Variants in GRIN2B observed in about 807,000 individuals in gnomAD.
The protein encoded by GRIN2B is glutamate ionotropic receptor NMDA type subunit 2B.
A neutral mutation model predicts 114.5 loss-of-function variants in GRIN2B; 5 were observed. The ratio of observed to expected loss-of-function variants is 0.04; its 90% CI spans 0.02 to 0.09. The LOEUF (loss-of-function observed/expected upper bound fraction) is 0.09. GRIN2B is among the 10% of genes least tolerant of loss of function. GRIN2B has a pLI of 1.00. For synonymous variants in GRIN2B, 787 were observed against 745.1 expected (o/e 1.06, Z -0.92); for missense variants, 1,108 against 1,943.5 (o/e 0.57, Z 8.08).
chr12:13,964,842 G>A (rs1012309177), intron 2 of GRIN2B, among the ~76,000 whole-genome samples: 2 of 152,224 alleles, frequency 1.3e-5, no homozygotes, highest in Non-Finnish European at 2.9e-5. Flanking sequence ...GCGGTGCAAA[G>A]CTGACTCGCA....
At chr12:13,601,369 G>T (rs1319352850) in intron 10 of GRIN2B, among the ~76,000 whole-genome samples, 1 of 152,078 alleles carries the variant, frequency 6.6e-6, no homozygotes, top group East Asian at 1.9e-4. Flanking sequence ...TCTTCATATG[G>T]TCTTCTCATC....
chr12:13,798,067 C>T (rs1463222785), intron 3 of GRIN2B, among the ~76,000 whole-genome samples: 1 of 152,182 alleles, frequency 6.6e-6, no homozygotes, highest in African/African-American at 2.4e-5. Flanking sequence ...TCCCAGATAA[C>T]ATTGATGCTG....
intron 4 of GRIN2B, among the ~76,000 whole-genome samples, chr12:13,677,016 T>C (rs1428639147): frequency 6.6e-6 from 1 of 152,184 alleles, no homozygotes; most frequent in African/African-American, 2.4e-5. Context: ...CTCTGGCTGC[T>C]GTCATCTGAT....
intron 4 of GRIN2B, among the ~76,000 whole-genome samples, chr12:13,721,423 G>T (rs1021948807): frequency 6.6e-6 from 1 of 151,986 alleles, no homozygotes; most frequent in Non-Finnish European, 1.5e-5. Context: ...TCCTGGAAAA[G>T]GATTAGGGTG....
chr12:13,612,934 A>G (rs1205969601), intron 8 of GRIN2B, among the ~76,000 whole-genome samples: 1 of 152,242 alleles, frequency 6.6e-6, no homozygotes, highest in Non-Finnish European at 1.5e-5. Flanking sequence ...GATGAAGTTT[A>G]AAAAGGGGAA....
chr12:13,910,785 T>C (rs569489827), intron 2 of GRIN2B, among the ~76,000 whole-genome samples: 3 of 152,324 alleles, frequency 2.0e-5, no homozygotes, highest in South Asian at 4.1e-4. Context: ...AAAATGATCA[T>C]TGTGGTTTGC....
intron 5 of GRIN2B, among the ~76,000 whole-genome samples, chr12:13,651,555 G>A (rs1282095880): frequency 6.6e-6 from 1 of 152,032 alleles, no homozygotes; most frequent in Non-Finnish European, 1.5e-5. Context: ...GATTTTATAG[G>A]CATTTGTAGA....
chr12:13,981,008 G>C (rs557940631), intron 1 of GRIN2B, among the ~76,000 whole-genome samples: 39 of 152,244 alleles, frequency 2.6e-4, no homozygotes, highest in African/African-American at 8.9e-4. Flanking sequence ...TGCAGCGCAC[G>C]GGGCTTCACC....
intron 2 of GRIN2B, among the ~76,000 whole-genome samples, chr12:13,870,932 C>A (rs531235353): frequency 6.6e-6 from 1 of 151,990 alleles, no homozygotes; most frequent in East Asian, 1.9e-4. Flanking sequence ...TAGTATCTAT[C>A]GAAATTTTAA....
In GRIN2B at chr12:13,564,607, G is replaced by A. The variant is rs1156368940; in HGVS notation, c.2631C>T (p.Ile877=). Residue 877 remains isoleucine, a synonymous_variant, in exon 14 of 14, where the codon ATC becomes ATT. Coordinates refer to ENST00000609686, the MANE Select transcript of GRIN2B (RefSeq NM_000834.5). The surrounding 1 kb of genome is among the most constrained non-coding windows in gnomAD (Gnocchi z 4.8). ...GIYSCIHGVA[I]EERQSVMNSP... is the part of the protein sequence containing the mutation. ...AGTTCATTACAGACTGGCGCTCCTC[G>A]ATCGCCACCCCATGGATGCAGCTGT... The A allele has an allele frequency of 2.5e-6, 4 of 1,613,794 alleles. No individual in the cohort carries two copies. Among genetic ancestry groups the A allele is most frequent in the Admixed American group, 1.7e-5 (1 of 60,000 alleles).
chr12:13,707,098 A>G (rs1415043487), intron 4 of GRIN2B, among the ~76,000 whole-genome samples: 2 of 152,126 alleles, frequency 1.3e-5, no homozygotes, highest in African/African-American at 2.4e-5. Flanking sequence ...AAAAAACACA[A>G]GATCGTAATT....
At chr12:13,963,685 A>C (rs778325924) in intron 2 of GRIN2B, among the ~76,000 whole-genome samples, 1 of 152,204 alleles carries the variant, frequency 6.6e-6, no homozygotes, top group Non-Finnish European at 1.5e-5. Flanking sequence ...TCTGAACTCA[A>C]GTCCCTTTGA....
chr12:13,554,706 C>T lies in GRIN2B; in HGVS notation c.*8077G>A, dbSNP rs1948457553. 6.6e-6 allele frequency: 1 copy of T among 152,004 alleles called. No homozygotes were observed. The highest frequency in any genetic ancestry group is 2.4e-5 in the African/African-American group (1 of 41,376). 9.4% of individuals were successfully genotyped at this position (152,004 alleles called of 1,614,324 possible). A position where few individuals can be genotyped will look rare whatever the true frequency, so the allele number is the denominator to read the frequency against. ...AATATTGGAACAATGCTAAAAGACG[C>T]TGAAATAATCCAGACTAGAAGGAAG... On this transcript the variant is annotated 3_prime_UTR_variant, in exon 14 of 14. Transcript: ENST00000609686.
chr12:13,648,963 T>G (rs1376352067), intron 5 of GRIN2B, among the ~76,000 whole-genome samples: 1 of 151,960 alleles, frequency 6.6e-6, no homozygotes, highest in African/African-American at 2.4e-5. Context: ...GAAAGAGGGA[T>G]AAGAAGAAAT....
chr12:13,852,537 G>A (rs1190158107), intron 3 of GRIN2B, among the ~76,000 whole-genome samples: 1 of 151,976 alleles, frequency 6.6e-6, no homozygotes, highest in African/African-American at 2.4e-5. Flanking sequence ...CTTTTAAGAG[G>A]AATTTGTCTT....
chr12:13,619,189 G>A (rs1805542), intron 5 of GRIN2B, among the ~76,000 whole-genome samples: 4,392 of 152,242 alleles, frequency 0.029, 222 homozygotes, highest in African/African-American at 0.1. Context: ...GAGGAGATAT[G>A]AATTAGTTGG....
chr12:13,677,292 C>G (rs1950084415), intron 4 of GRIN2B, among the ~76,000 whole-genome samples: 1 of 152,112 alleles, frequency 6.6e-6, no homozygotes, highest in East Asian at 1.9e-4. Context: ...TTTTTAACTC[C>G]TCTCATTCAA....
chr12:13,662,507 C>T (rs1949934283), intron 5 of GRIN2B, among the ~76,000 whole-genome samples: 3 of 152,266 alleles, frequency 2.0e-5, no homozygotes, highest in Non-Finnish European at 4.4e-5. Context: ...TGTCTTACCA[C>T]CTTAAGCGTA....
At position 13,950,263 on chromosome 12, in the gene GRIN2B, A is replaced by G. The variant is rs1166291157; in HGVS notation, c.-19+29665T>C. Among the ~76,000 whole-genome samples, 3 of 152,224 alleles carry G rather than the reference A, an allele frequency of 2.0e-5. No individual in the cohort carries two copies. In the East Asian group the frequency reaches 5.8e-4, roughly 29 times the overall value. ...GTTGGAAATCATTTAAACAGAGTAG[A>G]TGAATCAACCCAAGAGTGTTTACTG... On this transcript the variant is annotated intron_variant, in intron 2 of 13. Coordinates refer to ENST00000609686, the MANE Select transcript of GRIN2B (RefSeq NM_000834.5).
Sources: allele counts gnomAD v4.1 joint callset (sites outside exome capture counted in the v4.1 genomes callset), GRCh38; gene constraint gnomAD v4.1.1; non-coding constraint Gnocchi (gnomAD v3.1); transcripts MANE v1.5; gene names NCBI Gene and HGNC (gene_info 2026-07-23, HGNC 2026-07-21).